Variants in HEATR6 observed in about 807,000 individuals in gnomAD.
HEATR6 encodes HEAT repeat containing 6.
Under a neutral mutation model 132.8 loss-of-function variants are expected in HEATR6, and 106 were observed. The ratio of observed to expected loss-of-function variants is 0.80; its 90% CI spans 0.68 to 0.94. The LOEUF is 0.94. HEATR6 is among the 40% of genes least tolerant of loss of function. The pLI is 0.00. For synonymous variants in HEATR6, 529 were observed against 537.8 expected (o/e 0.98, Z 0.23); for missense variants, 1,339 against 1,425.1 (o/e 0.94, Z 0.97).
rs141738397 is a variant in HEATR6 at position 60,051,473 on chromosome 17, C to T, written c.2290-496G>A. On this transcript the variant is annotated intron_variant, in intron 14 of 19. Coordinates refer to ENST00000184956, the MANE Select transcript of HEATR6 (RefSeq NM_022070.5). ...ACTAGAATCCAAATCAGTTGACAGT[C>T]GGCTAGGGCTTTTTCAACTACTTTG... 3.4e-3 allele frequency among the ~76,000 whole-genome samples: 514 copies of T among 152,304 alleles called. 6 individuals are homozygous for T. The highest frequency in any genetic ancestry group is 0.011 in the African/African-American group (457 of 41,570).
At chr17:60,052,198 G>T (rs935986655) in intron 14 of HEATR6, among the ~76,000 whole-genome samples, 1 of 152,174 alleles carries the variant, frequency 6.6e-6, no homozygotes, top group Non-Finnish European at 1.5e-5. Flanking sequence ...GAGCCACCCT[G>T]GAAGAGGATC....
rs201619788 is a variant in HEATR6, at chr17:60,055,500, T to C, written c.2289+15A>G. The C allele has an allele frequency of 2.7e-5, 42 of 1,568,156 alleles. No individual in the cohort carries two copies. The East Asian group carries it at 7.6e-4, about 28-fold the overall frequency. On this transcript the variant is annotated intron_variant, in intron 14 of 19. Coordinates refer to ENST00000184956, the MANE Select transcript of HEATR6 (RefSeq NM_022070.5). ...AGCATTAATAAAAGAAAACTATGAA[T>C]TGACATTTATTTACCAAGAAGACTG...
chr17:60,053,729 A>C (rs1021512250), intron 14 of HEATR6, among the ~76,000 whole-genome samples: 5 of 152,236 alleles, frequency 3.3e-5, no homozygotes, highest in Non-Finnish European at 7.3e-5. Flanking sequence ...AGGGATTTGC[A>C]TAAGGTTGAA....
At chr17:60,063,416 A>T (rs1258664201) in intron 9 of HEATR6, 1 of 152,204 alleles carries the variant, frequency 6.6e-6, no homozygotes, top group African/African-American at 2.4e-5. Flanking sequence ...TATCCAAGAA[A>T]TTCTTAAATT....
intron 8 of HEATR6, among the ~76,000 whole-genome samples, chr17:60,067,202 G>A (rs1039840529): frequency 1.3e-5 from 2 of 149,140 alleles, no homozygotes; most frequent in Non-Finnish European, 1.5e-5. Context: ...CCCGGGAGGC[G>A]GAGCTTGCAG....
chr17:60,076,217 G>T lies in HEATR6; in HGVS notation c.240C>A (p.Val80=). The T allele has an allele frequency of 6.2e-7, 1 of 1,607,100 alleles. No homozygotes were observed. Among genetic ancestry groups the T allele is most frequent in the Admixed American group, 1.7e-5 (1 of 59,858 alleles). Residue 80 remains valine, a synonymous_variant, in exon 2 of 20, where the codon GTC becomes GTA. Transcript: ENST00000184956. ...TAAGAGGTACCAGTCGGCAAGCCTG[G>T]ACAAGAAGAGCACTAACGTCCTACC... The part of the protein sequence containing the change: ...VAPEDVSALL[V]QACRLVPLNQ...
rs115974060 is a variant in HEATR6, at chr17:60,050,882, G to A, written c.2385C>T (p.Ala795=). 5 of 1,614,190 alleles carry A rather than the reference G, an allele frequency of 3.1e-6. No homozygotes were observed. The East Asian group carries it at 1.1e-4, about 36-fold the overall frequency. ...AGGCCTCTGGCAAGATGGAAGACAG[G>A]GCATCACAGGCGCTCGCCTGGAGAG... ...HPTLQASACD[A]LSSILPEAFS... Residue 795 remains alanine, a synonymous_variant, in exon 15 of 20, where the codon GCC becomes GCT. Coordinates refer to ENST00000184956, the MANE Select transcript of HEATR6 (RefSeq NM_022070.5).
rs1906265162 is a variant in HEATR6 at position 60,043,744 on chromosome 17, G to A, written c.3365C>T (p.Pro1122Leu). 8.1e-6 allele frequency: 13 copies of A among 1,614,110 alleles called. No individual in the cohort carries two copies. The highest frequency in any genetic ancestry group is 9.3e-6 in the Non-Finnish European group (11 of 1,180,014). The change falls in exon 20 of 20, where the codon CCC (proline) becomes CTC (leucine). Residue 1122 changes from proline (P) to leucine (L), a missense_variant. By Grantham distance (98) the Pro-to-Leu change is moderately conservative (BLOSUM62 -3). Coordinates refer to ENST00000184956, the MANE Select transcript of HEATR6 (RefSeq NM_022070.5). ...SGAEGDDTGA[P>L]HSPQERDQMV... The stretch of plus-strand genomic sequence containing the variant: ...CTGGTCTCTTTCCTGTGGGCTGTGG[G>A]GTGCTCCAGTGTCATCTCCCTCTGC...
Position 60,078,784 on chromosome 17 carries a change from T to C in HEATR6, c.131A>G (p.Asp44Gly). The change falls in exon 1 of 20, where the codon GAC (aspartate) becomes GGC (glycine). Residue 44 changes from aspartate (D) to glycine (G), a missense_variant. Coordinates refer to ENST00000184956, the MANE Select transcript of HEATR6 (RefSeq NM_022070.5). ...GATCTCGGTGCGGGCGGAGCTGCTGTCATCCGGGCGCAGGGCGCAGAGCCT... is the reference window on the plus strand; with the variant it reads ...GATCTCGGTGCGGGCGGAGCTGCTGCCATCCGGGCGCAGGGCGCAGAGCCT... Reference protein sequence around the residue: ...SARLCALRPDDSSSARTEIHL... With the variant: ...SARLCALRPDGSSSARTEIHL... 6.3e-7 allele frequency: 1 copy of C among 1,587,244 alleles called. No homozygotes were observed. The highest frequency in any genetic ancestry group is 8.6e-7 in the Non-Finnish European group (1 of 1,167,990).
rs1598911936 is a variant in HEATR6 at position 60,059,913 on chromosome 17, G to C, written c.1600C>G (p.Gln534Glu). ...LLALVAESSSQTVTQIIKCLA... is the reference protein window; with the variant it reads ...LLALVAESSSETVTQIIKCLA... ...ACCTTAATTATCTGAGTAACGGTCT[G>C]TGAGGATGACTCCGCCACCAAAGCT... The change falls in exon 10 of 20, where the codon CAG becomes GAG. Residue 534 changes from glutamine to glutamate, a missense_variant. Transcript: ENST00000184956. 3 of 1,613,582 alleles carry C rather than the reference G, an allele frequency of 1.9e-6. No individual in the cohort carries two copies. The highest frequency in any genetic ancestry group is 2.5e-6 in the Non-Finnish European group (3 of 1,179,646).
chr17:60,053,311 C>A lies in HEATR6; in HGVS notation c.2289+2204G>T, dbSNP rs547535045. On this transcript the variant is annotated intron_variant, in intron 14 of 19. Transcript: ENST00000184956. ...ACCAGAACTAGATGCTGGCACCATG[C>A]TTCTCGTATAGCCTGCAGAACTGTG... Among the ~76,000 whole-genome samples the A allele has an allele frequency of 7.9e-5, 12 of 152,336 alleles. No homozygotes were observed. In the East Asian group the frequency reaches 1.9e-3, roughly 24 times the overall value.
At chr17:60,060,277 C>A (rs977415572) in intron 9 of HEATR6, among the ~76,000 whole-genome samples, 181 bp from the exon 10 acceptor site, 2 of 151,554 alleles carry the variant, frequency 1.3e-5, no homozygotes, top group African/African-American at 4.9e-5. Context: ...AAAAAAAAAT[C>A]TTTATTTTAT....
At chr17:60,062,572 G>A (rs2083217772) in intron 9 of HEATR6, among the ~76,000 whole-genome samples, 1 of 152,176 alleles carries the variant, frequency 6.6e-6, no homozygotes, top group Non-Finnish European at 1.5e-5. Context: ...TTCTGGAAGG[G>A]TGACAAAGAA....
chr17:60,059,738 C>A (rs1194630564), intron 10 of HEATR6, 152 bp downstream of exon 10: 4 of 689,540 alleles, frequency 5.8e-6, no homozygotes, highest in Non-Finnish European at 1.0e-5. Context: ...TAGATAAGAT[C>A]AGACGAGTAG....
rs903684109 is a variant in HEATR6 at position 60,072,319 on chromosome 17, G to C, written c.595C>G (p.Gln199Glu). ...TGGTAGGGCTCCTCCAAATACGGCT[G>C]TCCTGGCACACTAAACGCATACAGA... Reference protein sequence around the residue: ...MANLCLSVPGQPYLEEPYQNV... With the variant: ...MANLCLSVPGEPYLEEPYQNV... The change falls in exon 5 of 20, where the codon CAG (glutamine) becomes GAG (glutamate). Residue 199 changes from glutamine to glutamate, a missense_variant. Transcript: ENST00000184956. The C allele has an allele frequency of 6.2e-7, 1 of 1,600,656 alleles. No individual in the cohort carries two copies. Among genetic ancestry groups the C allele is most frequent in the East Asian group, 2.2e-5 (1 of 44,698 alleles).
chr17:60,048,092 A>C (rs774221118), intron 17 of HEATR6, among the ~76,000 whole-genome samples, 172 bp downstream of exon 17: 4 of 152,202 alleles, frequency 2.6e-5, no homozygotes, highest in Non-Finnish European at 5.9e-5. Context: ...ATATATATTA[A>C]GAACAGTTTA....
chr17:60,076,253 A>T lies in HEATR6; in HGVS notation c.220-16T>A. On this transcript the variant is annotated splice_polypyrimidine_tract_variant and intron_variant, in intron 1 of 19. Transcript: ENST00000184956. ...CACTAACGTCCTACCAAAAAAAAAA[A>T]GATAAGAGGTAAAATACTTATTAGT... The T allele has an allele frequency of 7.2e-7, 1 of 1,393,070 alleles. No individual in the cohort carries two copies. The highest frequency in any genetic ancestry group is 1.0e-6 in the Non-Finnish European group (1 of 991,002). The allele number at this position is 1,393,070 out of a possible 1,614,324, so 86.3% of individuals were successfully genotyped here.
intron 1 of HEATR6, 200 bp from the exon 2 acceptor site, chr17:60,076,437 T>G: frequency 1.9e-6 from 1 of 521,628 alleles, no homozygotes; most frequent in South Asian, 2.2e-5. Context: ...GCACAGTGGC[T>G]CACACCTAAT....
intron 9 of HEATR6, among the ~76,000 whole-genome samples, chr17:60,062,828 A>G (rs1387691499): frequency 2.0e-5 from 3 of 152,124 alleles, no homozygotes; most frequent in African/African-American, 7.2e-5. Context: ...GTGAGAGGTA[A>G]CTGAATCATG....
Sources: allele counts gnomAD v4.1 joint callset (sites outside exome capture counted in the v4.1 genomes callset), GRCh38; gene constraint gnomAD v4.1.1; transcripts MANE v1.5; gene names NCBI Gene and HGNC (gene_info 2026-07-23, HGNC 2026-07-21).